SCN1A: variants seen among roughly 807,000 people sequenced by gnomAD.
SCN1A encodes the protein sodium channel protein type 1 subunit alpha.
Under a neutral mutation model 193.7 loss-of-function variants are expected in SCN1A, and 13 were observed. The observed-to-expected ratio is 0.07, with a 90% CI of 0.04 to 0.11. The LOEUF (loss-of-function observed/expected upper bound fraction) is 0.11, where lower values mean the gene tolerates loss of function less well. Ranked by LOEUF, SCN1A falls within the 10% of genes least tolerant of loss-of-function variation. The pLI, the probability that SCN1A is intolerant of heterozygous loss-of-function variation, is 1.00. For synonymous variants in SCN1A, 781 were observed against 843.6 expected (o/e 0.93, Z 1.29); for missense variants, 1,432 against 2,451.1 (o/e 0.58, Z 8.78).
intron 4 of SCN1A, chr2:166,061,013 G>C (rs1211757933): frequency 2.0e-5 from 3 of 152,146 alleles, no homozygotes; most frequent in Admixed American, 6.6e-5. Flanking sequence ...GTGATACAAA[G>C]AGATAATGAG....
chr2:165,997,616 A>G (rs1690253246), intron 26 of SCN1A, among the ~76,000 whole-genome samples: 1 of 151,392 alleles, frequency 6.6e-6, no homozygotes, highest in African/African-American at 2.4e-5. Context: ...AATAAACACT[A>G]GAAGAAGCTT....
intron 9 of SCN1A, among the ~76,000 whole-genome samples, chr2:166,050,669 G>T (rs1412407856): frequency 2.1e-5 from 2 of 95,742 alleles, no homozygotes; most frequent in African/African-American, 6.9e-5. Flanking sequence ...TGTAGAGAAG[G>T]GGTCTCACTA....
chr2:166,047,971 T>A (rs1698051922), intron 10 of SCN1A, among the ~76,000 whole-genome samples: 1 of 152,170 alleles, frequency 6.6e-6, no homozygotes, highest in African/African-American at 2.4e-5. Flanking sequence ...GGTGCAGCAT[T>A]TCTAATAATA....
intron 2 of SCN1A, among the ~76,000 whole-genome samples, chr2:166,088,137 A>G (rs1220009883): frequency 6.6e-6 from 1 of 152,106 alleles, no homozygotes; most frequent in Non-Finnish European, 1.5e-5. Context: ...CATTTTTAAA[A>G]TAATTGGTCA....
At chr2:166,107,050 A>G (rs1259092552) in intron 2 of SCN1A, among the ~76,000 whole-genome samples, 1 of 152,168 alleles carries the variant, frequency 6.6e-6, no homozygotes, top group African/African-American at 2.4e-5. Context: ...CATTTTATTT[A>G]TATTCATCAG....
chr2:166,041,233 A>C lies in SCN1A; in HGVS notation c.2413T>G (p.Leu805Val). ...HFNNVLTVGN[L>V]VFTGIFTAEM... ...CATTTACCTTCCAATATGCTTACCA[A>C]GTTTCCTACTGTAAGCACATTATTG... Residue 805 changes from leucine (L) to valine (V), a missense_variant and splice_region_variant, in exon 16 of 29, where the codon TTG becomes GTG. Transcript: ENST00000674923. 6 of 1,597,190 alleles carry C rather than the reference A, an allele frequency of 3.8e-6. No homozygotes were observed. Among genetic ancestry groups the C allele is most frequent in the Non-Finnish European group, 5.2e-6 (6 of 1,164,710 alleles).
At chr2:166,074,095 G>C (rs569710060) in intron 3 of SCN1A, among the ~76,000 whole-genome samples, 1 of 152,312 alleles carries the variant, frequency 6.6e-6, no homozygotes, top group Admixed American at 6.5e-5. Context: ...TAACCCTCTA[G>C]GTCTGACAAG....
chr2:166,143,064 T>C (rs539375749), intron 1 of SCN1A, among the ~76,000 whole-genome samples: 1 of 104,198 alleles, frequency 9.6e-6, no homozygotes, highest in East Asian at 2.9e-4. Context: ...AACGGACTAA[T>C]ACACTCGTTG....
At chr2:166,082,803 A>G (rs1415656162) in intron 2 of SCN1A, among the ~76,000 whole-genome samples, 1 of 152,092 alleles carries the variant, frequency 6.6e-6, no homozygotes, top group Admixed American at 6.6e-5. Context: ...CTTATAATAT[A>G]TAATCTGATG....
chr2:165,995,945 T>C, intron 27 of SCN1A, 68 bp downstream of exon 27: 1 of 1,089,590 alleles, frequency 9.2e-7, no homozygotes, highest in African/African-American at 1.6e-5. Context: ...GCTACTTTCT[T>C]TTTTGTGAGA....
chr2:166,117,179 C>T (rs917335187), intron 2 of SCN1A, among the ~76,000 whole-genome samples: 16 of 152,134 alleles, frequency 1.1e-4, no homozygotes, highest in African/African-American at 3.6e-4. Flanking sequence ...CAATTTGTCT[C>T]TCAGTCATTT....
intron 22 of SCN1A, among the ~76,000 whole-genome samples, chr2:166,010,600 G>A (rs1453104239): frequency 6.6e-6 from 1 of 151,066 alleles, no homozygotes; most frequent in Non-Finnish European, 1.5e-5. Flanking sequence ...TCTAAATAAG[G>A]AATTTACTAA....
chr2:166,074,807 T>C (rs1684831826), intron 3 of SCN1A, among the ~76,000 whole-genome samples: 1 of 152,158 alleles, frequency 6.6e-6, no homozygotes, highest in Non-Finnish European at 1.5e-5. Context: ...ATAAGAAAAT[T>C]GCAGGCATAA....
rs1254601772 is a variant in SCN1A, at chr2:166,102,451, G to A, written c.-142+24473C>T. 8.2e-5 allele frequency among the ~76,000 whole-genome samples: 12 copies of A among 146,010 alleles called. No homozygotes were observed. The East Asian group carries it at 2.4e-3, about 30-fold the overall frequency. ...GCGGAGCTTGGAGTGAGCCGAGATC[G>A]CTCCACAGCACTCCATTCCAGCCTG... is the stretch of plus-strand genomic sequence containing the variant. On this transcript the variant is annotated intron_variant, in intron 2 of 28. Transcript: ENST00000674923.
Position 166,036,542 on chromosome 2 carries a change from C to T in SCN1A, c.2947-12G>A, listed in dbSNP as rs371041932. The T allele has an allele frequency of 4.8e-5, 77 of 1,611,998 alleles. No individual in the cohort carries two copies. The highest frequency in any genetic ancestry group is 6.2e-5 in the Non-Finnish European group (73 of 1,178,808). On this transcript the variant is annotated splice_polypyrimidine_tract_variant and intron_variant, in intron 18 of 28. Coordinates refer to ENST00000674923, the MANE Select transcript of SCN1A (RefSeq NM_001165963.4). ...AAGAGATTCAGGACCTTAAAAACAACAAAAACATGATTATAATTTTACACC... is the reference window on the plus strand; with the variant it reads ...AAGAGATTCAGGACCTTAAAAACAATAAAAACATGATTATAATTTTACACC...
intron 2 of SCN1A, among the ~76,000 whole-genome samples, chr2:166,122,280 G>T (rs572899458): frequency 6.6e-6 from 1 of 152,196 alleles, no homozygotes; most frequent in South Asian, 2.1e-4. Context: ...GTGTAACTTT[G>T]GGAAAGCATG....
intron 27 of SCN1A, among the ~76,000 whole-genome samples, chr2:165,995,406 A>G (rs1689887073): frequency 1.3e-5 from 2 of 151,764 alleles, no homozygotes; most frequent in Admixed American, 1.3e-4. Context: ...CAATTTGTTT[A>G]TTTCATCATG....
At chr2:165,993,021 C>G (rs540288303) in intron 28 of SCN1A, 184 of 152,176 alleles carry the variant, frequency 1.2e-3, no homozygotes, top group Non-Finnish European at 2.1e-3. Flanking sequence ...TCTTTTTGGT[C>G]TCCTGTACCT....
chr2:166,025,399 A>G (rs1047881509), intron 19 of SCN1A, among the ~76,000 whole-genome samples: 3 of 152,126 alleles, frequency 2.0e-5, no homozygotes, highest in Admixed American at 6.5e-5. Context: ...GCAATTTACA[A>G]TATGGGTGTT....
Sources: gnomAD v4.1 joint callset for allele counts (sites outside exome capture counted in the v4.1 genomes callset) on GRCh38, gnomAD v4.1.1 for gene constraint, MANE v1.5 for transcripts, NCBI Gene and HGNC (gene_info 2026-07-23, HGNC 2026-07-21) for gene names.